Variants in TMEFF1 observed in about 807,000 individuals in gnomAD.
TMEFF1 encodes the protein transmembrane protein with EGF like and two follistatin like domains 1, also known as tomoregulin-1.
Under a neutral mutation model 47.5 loss-of-function variants are expected in TMEFF1, and 20 were observed. The ratio of observed to expected loss-of-function variants is 0.42; its 90% confidence interval spans 0.30 to 0.61. The LOEUF is 0.61. Among genes scored for constraint, TMEFF1 ranks in the 20% least tolerant of loss-of-function variants. The probability of loss-of-function intolerance (pLI) is 0.19; values close to 1 mark genes in which losing one functional copy is unlikely to be tolerated. For synonymous variants in TMEFF1, 162 were observed against 166.3 expected (o/e 0.97, Z 0.20); for missense variants, 411 against 471.1 (o/e 0.87, Z 1.18).
intron 2 of TMEFF1, among the ~76,000 whole-genome samples, chr9:100,505,773 C>T (rs1472439085): frequency 6.6e-6 from 1 of 152,190 alleles, no homozygotes; most frequent in East Asian, 1.9e-4. Flanking sequence ...GCGATATTGG[C>T]ACCTTTGTGA....
At chr9:100,500,727 G>C (rs1837741160) in intron 2 of TMEFF1, among the ~76,000 whole-genome samples, 1 of 152,182 alleles carries the variant, frequency 6.6e-6, no homozygotes, top group Admixed American at 6.5e-5. Context: ...GTTTTCTCAT[G>C]TGAGAATGGA....
At chr9:100,572,730 A>G (rs1014587836) in intron 9 of TMEFF1, 54 bp downstream of exon 9, 18 of 1,536,186 alleles carry the variant, frequency 1.2e-5, no homozygotes, top group Non-Finnish European at 1.6e-5. Flanking sequence ...GCAACTGTTT[A>G]TTTATAGATG....
chr9:100,569,023 A>G (rs1300109012), intron 8 of TMEFF1, among the ~76,000 whole-genome samples: 1 of 152,114 alleles, frequency 6.6e-6, no homozygotes, highest in East Asian at 1.9e-4. Context: ...ATTATGAAAA[A>G]TGCTGCTCTG....
At chr9:100,540,425 C>G (rs1168025187) in intron 5 of TMEFF1, among the ~76,000 whole-genome samples, 5 of 152,258 alleles carry the variant, frequency 3.3e-5, no homozygotes, top group Non-Finnish European at 7.3e-5. Flanking sequence ...CCTGGGCACT[C>G]TGGCAGCCCA....
rs1270865723 is a variant in TMEFF1, at chr9:100,513,199, CTT to C, written c.437-106_437-105del. 6 of 1,446,950 alleles carry C rather than the reference CTT, an allele frequency of 4.1e-6. No homozygotes were observed. In the African/African-American group the frequency reaches 4.3e-5, roughly 10 times the overall value. The allele number at this position is 1,446,950 out of a possible 1,614,324, so 89.6% of individuals were successfully genotyped here. A position where few individuals can be genotyped will look rare whatever the true frequency, so the allele number is the denominator to read the frequency against. On this transcript the variant is annotated intron_variant, in intron 3 of 9. Coordinates refer to ENST00000374879, the MANE Select transcript of TMEFF1 (RefSeq NM_003692.5). ...ATATCAAAAATATGAGAAAAGGACT[CTT>C]TGAGAATGGATATCACAGTTTTATT...
At chr9:100,575,178 C>T (rs985345962) in intron 9 of TMEFF1, among the ~76,000 whole-genome samples, 5 of 152,178 alleles carry the variant, frequency 3.3e-5, no homozygotes, top group African/African-American at 1.2e-4. Flanking sequence ...CATTATGAGA[C>T]AGCTGTTGAC....
chr9:100,498,061 C>T (rs929029976), intron 1 of TMEFF1, among the ~76,000 whole-genome samples: 1 of 152,130 alleles, frequency 6.6e-6, no homozygotes, highest in Non-Finnish European at 1.5e-5. Flanking sequence ...AAGCACTAAC[C>T]TTGAAGCTTA....
At chr9:100,574,738 G>C (rs566614603) in intron 9 of TMEFF1, among the ~76,000 whole-genome samples, 1 of 152,256 alleles carries the variant, frequency 6.6e-6, no homozygotes, top group Admixed American at 6.5e-5. Flanking sequence ...CCTTCATTTA[G>C]AGAAGTTGGG....
chr9:100,505,132 G>A (rs1327347857), intron 2 of TMEFF1, among the ~76,000 whole-genome samples: 1 of 152,040 alleles, frequency 6.6e-6, no homozygotes. Context: ...ATTAAAAGCA[G>A]GTCGGGCGCG....
chr9:100,566,568 T>A (rs1839129131), intron 8 of TMEFF1, among the ~76,000 whole-genome samples: 1 of 152,222 alleles, frequency 6.6e-6, no homozygotes, highest in East Asian at 1.9e-4. Flanking sequence ...CAGAATTTGG[T>A]TACTTCTCAC....
chr9:100,486,560 T>A (rs1042857682), intron 1 of TMEFF1, among the ~76,000 whole-genome samples: 1 of 152,198 alleles, frequency 6.6e-6, no homozygotes, highest in Non-Finnish European at 1.5e-5. Flanking sequence ...TAAAAAAATA[T>A]TCATGTTGTT....
intron 5 of TMEFF1, among the ~76,000 whole-genome samples, chr9:100,517,628 G>A (rs1838096724): frequency 1.3e-5 from 2 of 152,166 alleles, no homozygotes; most frequent in Non-Finnish European, 2.9e-5. Context: ...TTTATTTGGT[G>A]CATATTTCAA....
At chr9:100,523,142 A>G (rs1554685768) in intron 5 of TMEFF1, among the ~76,000 whole-genome samples, 1 of 152,158 alleles carries the variant, frequency 6.6e-6, no homozygotes, top group Non-Finnish European at 1.5e-5. Context: ...TTCTGAATGC[A>G]CTGTTATTAT....
At chr9:100,523,319 G>A (rs1838199861) in intron 5 of TMEFF1, among the ~76,000 whole-genome samples, 1 of 152,126 alleles carries the variant, frequency 6.6e-6, no homozygotes, top group African/African-American at 2.4e-5. Flanking sequence ...TTCTCCCACA[G>A]TTCCTATGTG....
chr9:100,484,177 T>G (rs1378578057), intron 1 of TMEFF1, among the ~76,000 whole-genome samples: 1 of 152,180 alleles, frequency 6.6e-6, no homozygotes. Flanking sequence ...TTCAGTGGCA[T>G]TCAACTCATT....
chr9:100,577,607 A>G lies in TMEFF1; in HGVS notation c.*1007A>G, dbSNP rs1839374569. On this transcript the variant is annotated 3_prime_UTR_variant, in exon 10 of 10. Coordinates refer to ENST00000374879, the MANE Select transcript of TMEFF1 (RefSeq NM_003692.5). ...TTAATTTTAATATTTTGTTTGGAAA[A>G]GCATGTTATAATATAATGTTTTCAC... is the stretch of plus-strand genomic sequence containing the variant. The G allele has an allele frequency of 6.6e-6, 1 of 152,224 alleles. No homozygotes were observed. Among genetic ancestry groups the G allele is most frequent in the Admixed American group, 6.5e-5 (1 of 15,270 alleles). 9.4% of individuals were successfully genotyped at this position (152,224 alleles called of 1,614,324 possible). A position where few individuals can be genotyped will look rare whatever the true frequency, so the allele number is the denominator to read the frequency against.
At chr9:100,555,197 A>G (rs1464547795) in intron 7 of TMEFF1, among the ~76,000 whole-genome samples, 2 of 150,142 alleles carry the variant, frequency 1.3e-5, no homozygotes, top group African/African-American at 2.4e-5. Flanking sequence ...ACACACACGC[A>G]CACACATTGT....
intron 2 of TMEFF1, among the ~76,000 whole-genome samples, chr9:100,507,177 A>T (rs1837879241): frequency 6.6e-6 from 1 of 152,146 alleles, no homozygotes; most frequent in African/African-American, 2.4e-5. Flanking sequence ...ATGTTGCTGC[A>T]GAGGACATTA....
chr9:100,556,403 C>T (rs971706322), intron 7 of TMEFF1, among the ~76,000 whole-genome samples: 2 of 152,104 alleles, frequency 1.3e-5, no homozygotes, highest in South Asian at 2.1e-4. Context: ...TTCTACTAAA[C>T]TCTTAAATGT....
Sources: gnomAD v4.1 joint callset for allele counts (sites outside exome capture counted in the v4.1 genomes callset) on GRCh38, gnomAD v4.1.1 for gene constraint, MANE v1.5 for transcripts, NCBI Gene and HGNC (gene_info 2026-07-23, HGNC 2026-07-21) for gene names.